The following ADGRG6 variants were observed in gnomAD, a reference collection of about 807,000 sequenced individuals.
The protein encoded by ADGRG6 is adhesion G protein-coupled receptor G6, also known as G-protein coupled receptor 126.
In ADGRG6, 84 loss-of-function variants were observed where a neutral mutation model predicts 142.4. That is an observed-to-expected ratio of 0.59 (90% confidence interval 0.49 to 0.71). The LOEUF is 0.71. Among genes scored for constraint, ADGRG6 ranks in the 30% least tolerant of loss-of-function variants. ADGRG6 has a pLI of 0.00. For missense variants in ADGRG6, 1,367 were observed against 1,466.6 expected (o/e 0.93, Z 1.11); for synonymous variants, 521 against 520.5 (o/e 1.00, Z -0.01).
chr6:142,391,480 G>C (rs1030941598), intron 7 of ADGRG6, among the ~76,000 whole-genome samples: 13 of 136,738 alleles, frequency 9.5e-5, no homozygotes, highest in Middle Eastern at 3.9e-3. Flanking sequence ...CACACACACA[G>C]AGACATCTAT....
chr6:142,388,379 T>A (rs939231691), intron 6 of ADGRG6, among the ~76,000 whole-genome samples: 1 of 152,146 alleles, frequency 6.6e-6, no homozygotes, highest in Non-Finnish European at 1.5e-5. Context: ...CAAATACTAC[T>A]GTTATAACAA....
At chr6:142,426,438 A>G (rs1229743932) in intron 22 of ADGRG6, among the ~76,000 whole-genome samples, 1 of 152,164 alleles carries the variant, frequency 6.6e-6, no homozygotes, top group African/African-American at 2.4e-5. Context: ...ACACTGATGC[A>G]AGAGGTGGGT....
chr6:142,385,381 T>G (rs957017195), intron 6 of ADGRG6, among the ~76,000 whole-genome samples: 2 of 152,232 alleles, frequency 1.3e-5, no homozygotes, highest in African/African-American at 2.4e-5. Flanking sequence ...TTTAAAAATA[T>G]TCAGGTCATT....
intron 2 of ADGRG6, among the ~76,000 whole-genome samples, chr6:142,347,188 C>T (rs1262350444): frequency 1.3e-5 from 2 of 152,136 alleles, no homozygotes; most frequent in Non-Finnish European, 1.5e-5. Context: ...AAGTCATTGT[C>T]ACTGTCCAAG....
At chr6:142,407,288 G>A (rs1775855424) in intron 15 of ADGRG6, among the ~76,000 whole-genome samples, 1 of 151,806 alleles carries the variant, frequency 6.6e-6, no homozygotes, top group African/African-American at 2.4e-5. Flanking sequence ...AAGGTACGAT[G>A]GTGATGGTGT....
intron 19 of ADGRG6, 42 bp from the exon 20 acceptor site, chr6:142,415,754 A>G (rs751894677): frequency 5.7e-6 from 8 of 1,407,402 alleles, no homozygotes; most frequent in South Asian, 2.3e-5. Flanking sequence ...AGATTGATAT[A>G]CAGTATTAGT....
At chr6:142,396,375 G>A (rs1775196451) in intron 9 of ADGRG6, among the ~76,000 whole-genome samples, 1 of 152,096 alleles carries the variant, frequency 6.6e-6, no homozygotes, top group Non-Finnish European at 1.5e-5. Flanking sequence ...TCATTTTAGA[G>A]AGAGCTTTTC....
intron 22 of ADGRG6, among the ~76,000 whole-genome samples, chr6:142,428,638 C>G (rs1022803483): frequency 3.3e-5 from 5 of 152,096 alleles, no homozygotes; most frequent in South Asian, 2.1e-4. Flanking sequence ...TACATGGTGG[C>G]AGGCAAGAGA....
At chr6:142,423,123 C>G (rs1417650835) in intron 22 of ADGRG6, among the ~76,000 whole-genome samples, 1 of 143,750 alleles carries the variant, frequency 7.0e-6, no homozygotes, top group South Asian at 2.4e-4. Flanking sequence ...GTTGCCTGTT[C>G]ACTCTGATGG....
At chr6:142,433,281 A>G (rs566478613) in intron 22 of ADGRG6, among the ~76,000 whole-genome samples, 5 of 152,130 alleles carry the variant, frequency 3.3e-5, no homozygotes, top group African/African-American at 1.2e-4. Context: ...AGTCCACTCT[A>G]CTCTGTAACT....
At chr6:142,438,950 C>T (rs2064314) in intron 24 of ADGRG6, among the ~76,000 whole-genome samples, 12,315 of 152,174 alleles carry the variant, frequency 0.081, 604 homozygotes, top group East Asian at 0.25. Flanking sequence ...CATTCTGACA[C>T]TGAACATGTA....
intron 4 of ADGRG6, among the ~76,000 whole-genome samples, chr6:142,381,247 T>C (rs1781756321): frequency 6.6e-6 from 1 of 152,198 alleles, no homozygotes; most frequent in South Asian, 2.1e-4. Flanking sequence ...TATGTGTGTA[T>C]ATATATGTGT....
intron 6 of ADGRG6, among the ~76,000 whole-genome samples, chr6:142,384,378 T>C (rs1408434589): frequency 6.6e-6 from 1 of 152,168 alleles, no homozygotes; most frequent in Non-Finnish European, 1.5e-5. Context: ...ATATATCAAC[T>C]AAAACAAATC....
At chr6:142,310,903 A>G (rs1777736681) in intron 2 of ADGRG6, among the ~76,000 whole-genome samples, 1 of 151,940 alleles carries the variant, frequency 6.6e-6, no homozygotes, top group Admixed American at 6.6e-5. Flanking sequence ...AATCAATTAC[A>G]TGATATGAGA....
chr6:142,421,085 G>T (rs757809650), intron 22 of ADGRG6, among the ~76,000 whole-genome samples: 1 of 152,154 alleles, frequency 6.6e-6, no homozygotes, highest in Non-Finnish European at 1.5e-5. Flanking sequence ...AGGTGCCAAG[G>T]TGGGTACTCC....
Position 142,394,092 on chromosome 6 carries a change from T to G in ADGRG6, c.1424+134T>G, listed in dbSNP as rs1054262273. 11 of 581,978 alleles carry G rather than the reference T, an allele frequency of 1.9e-5. No homozygotes were observed. In the African/African-American group the frequency reaches 2.1e-4, roughly 11 times the overall value. 36.1% of individuals were successfully genotyped at this position (581,978 alleles called of 1,614,324 possible). ...AGCACAGTTATTTCTTTAGCACTGCTGTACACTACTTTTTTCTTGTAGTTA... is the reference window on the plus strand; with the variant it reads ...AGCACAGTTATTTCTTTAGCACTGCGGTACACTACTTTTTTCTTGTAGTTA... On this transcript the variant is annotated intron_variant, in intron 9 of 24. Transcript: ENST00000367609.
chr6:142,347,567 C>T (rs887564069), intron 2 of ADGRG6, among the ~76,000 whole-genome samples: 1 of 152,134 alleles, frequency 6.6e-6, no homozygotes. Context: ...TTCTCAGTGG[C>T]ACAAGGATTC....
intron 1 of ADGRG6, among the ~76,000 whole-genome samples, chr6:142,303,634 A>G (rs1777336578): frequency 6.6e-6 from 1 of 152,230 alleles, no homozygotes; most frequent in African/African-American, 2.4e-5. Context: ...TTGTTCTCAT[A>G]TACAGGCTAC....
intron 4 of ADGRG6, among the ~76,000 whole-genome samples, chr6:142,381,547 G>A (rs1034882690): frequency 2.0e-5 from 3 of 152,206 alleles, no homozygotes; most frequent in African/African-American, 4.8e-5. Flanking sequence ...TAGGATGTAT[G>A]AACCAAAACT....
Sources: gnomAD v4.1 joint callset for allele counts (sites outside exome capture counted in the v4.1 genomes callset) on GRCh38, gnomAD v4.1.1 for gene constraint, MANE v1.5 for transcripts, NCBI Gene and HGNC (gene_info 2026-07-23, HGNC 2026-07-21) for gene names.